Variants in CRYM observed in about 807,000 individuals in gnomAD.
CRYM encodes the protein ketimine reductase mu-crystallin.
Under a neutral mutation model 32.9 loss-of-function variants are expected in CRYM, and 18 were observed. That is an observed-to-expected ratio of 0.55 (90% CI 0.38 to 0.81). The LOEUF (loss-of-function observed/expected upper bound fraction) is 0.81, where lower values mean the gene tolerates loss of function less well. CRYM is among the 30% of genes least tolerant of loss of function. The probability of loss-of-function intolerance (pLI) is 0.00; values close to 1 mark genes in which losing one functional copy is unlikely to be tolerated. For synonymous variants in CRYM, 153 were observed against 152.4 expected (o/e 1.00, Z -0.03); for missense variants, 337 against 393.5 (o/e 0.86, Z 1.21).
intron 5 of CRYM, among the ~76,000 whole-genome samples, chr16:21,266,804 A>C (rs952176990): frequency 1.2e-4 from 18 of 152,086 alleles, no homozygotes; most frequent in Non-Finnish European, 4.4e-5. Flanking sequence ...CAGGAGTTCG[A>C]GACCAGCCTG....
intron 1 of CRYM, among the ~76,000 whole-genome samples, chr16:21,288,650 C>T (rs749161165): frequency 1.1e-4 from 17 of 152,126 alleles, no homozygotes; most frequent in East Asian, 9.6e-4. Flanking sequence ...TGCCTTCCAC[C>T]GGCTTTGGGT....
At chr16:21,291,626 G>A (rs976979340) in intron 1 of CRYM, among the ~76,000 whole-genome samples, 9 of 152,112 alleles carry the variant, frequency 5.9e-5, no homozygotes, top group Non-Finnish European at 1.0e-4. Context: ...AATCTCAATA[G>A]AGGGGAAAGC....
At chr16:21,262,948 A>G (rs1188377271) in intron 5 of CRYM, among the ~76,000 whole-genome samples, 1 of 152,232 alleles carries the variant, frequency 6.6e-6, no homozygotes, top group Non-Finnish European at 1.5e-5. Flanking sequence ...AAAAATCCCG[A>G]AACAGAGACA....
chr16:21,291,731 C>T (rs554986684), intron 1 of CRYM, among the ~76,000 whole-genome samples: 1 of 152,082 alleles, frequency 6.6e-6, no homozygotes, highest in African/African-American at 2.4e-5. Flanking sequence ...GTGAAGTGAC[C>T]GGTGAACTTT....
intron 1 of CRYM, among the ~76,000 whole-genome samples, chr16:21,284,812 G>A (rs1011649684): frequency 2.6e-5 from 4 of 152,244 alleles, no homozygotes; most frequent in South Asian, 2.1e-4. Context: ...TGGGAATGCC[G>A]GGTCAAATGG....
chr16:21,264,648 C>A (rs558178220), intron 5 of CRYM, among the ~76,000 whole-genome samples: 9 of 152,322 alleles, frequency 5.9e-5, no homozygotes, highest in African/African-American at 1.9e-4. Context: ...TCTGTGAACA[C>A]ATAAACCAAT....
At chr16:21,290,199 C>T (rs1960599268) in intron 1 of CRYM, among the ~76,000 whole-genome samples, 1 of 152,126 alleles carries the variant, frequency 6.6e-6, no homozygotes, top group South Asian at 2.1e-4. Flanking sequence ...TTGCTGTTCA[C>T]AATAAGTCTT....
At chr16:21,259,876 T>A (rs1380726287) in intron 7 of CRYM, among the ~76,000 whole-genome samples, 1 of 152,180 alleles carries the variant, frequency 6.6e-6, no homozygotes, top group East Asian at 1.9e-4. Flanking sequence ...TCCCCAAAAG[T>A]AAGAAAGCAA....
At chr16:21,273,055 C>A (rs1268262398) in intron 3 of CRYM, among the ~76,000 whole-genome samples, 1 of 151,880 alleles carries the variant, frequency 6.6e-6, no homozygotes, top group Admixed American at 6.6e-5. Context: ...TTTTGCTTAC[C>A]CCATGCTGAG....
At chr16:21,294,761 C>T (rs1355539984) in intron 1 of CRYM, among the ~76,000 whole-genome samples, 3 of 147,942 alleles carry the variant, frequency 2.0e-5, no homozygotes, top group East Asian at 4.0e-4. Context: ...GTGGCGCGAT[C>T]TCGACTCACT....
At chr16:21,286,805 T>C (rs1257639595) in intron 1 of CRYM, among the ~76,000 whole-genome samples, 1 of 152,094 alleles carries the variant, frequency 6.6e-6, no homozygotes, top group Non-Finnish European at 1.5e-5. Flanking sequence ...GATACTTAAT[T>C]TTAGGCCGGG....
intron 1 of CRYM, among the ~76,000 whole-genome samples, chr16:21,301,994 CGCAGAGCCCAAAAGG>C (rs1008611396): frequency 3.9e-5 from 6 of 152,202 alleles, no homozygotes; most frequent in Non-Finnish European, 7.4e-5. Flanking sequence ...GCGATGGGCG[CGCAGAGCCCAAAAGG>C]GCGACCCCCA....
At chr16:21,266,039 T>C (rs1178409866) in intron 5 of CRYM, among the ~76,000 whole-genome samples, 1 of 151,956 alleles carries the variant, frequency 6.6e-6, no homozygotes, top group East Asian at 1.9e-4. Context: ...GCCTGGACAA[T>C]GTGGTGAAAC....
chr16:21,284,475 C>T (rs1384712345), intron 1 of CRYM, among the ~76,000 whole-genome samples: 2 of 152,120 alleles, frequency 1.3e-5, no homozygotes, highest in Non-Finnish European at 2.9e-5. Context: ...AGTTACATCC[C>T]ATTCTCCTCT....
intron 1 of CRYM, among the ~76,000 whole-genome samples, chr16:21,290,055 G>A (rs2152864767): frequency 6.6e-6 from 1 of 151,920 alleles, no homozygotes; most frequent in East Asian, 2.0e-4. Context: ...TCTGTAAAAT[G>A]GACCAATCAG....
chr16:21,281,914 A>C (rs1364320014), upstream of CRYM, among the ~76,000 whole-genome samples: 1 of 152,166 alleles, frequency 6.6e-6, no homozygotes, highest in African/African-American at 2.4e-5. Context: ...CAACCTGTTG[A>C]GCATAAAGCT....
intron 2 of CRYM, among the ~76,000 whole-genome samples, chr16:21,276,576 A>C (rs2093387013): frequency 6.6e-6 from 1 of 152,202 alleles, no homozygotes; most frequent in Non-Finnish European, 1.5e-5. Context: ...GACTCTACTA[A>C]CCTGAGCCTC....
intron 6 of CRYM, chr16:21,261,777 T>C (rs959878095): frequency 2.2e-5 from 11 of 499,358 alleles, no homozygotes; most frequent in Admixed American, 3.3e-5. Context: ...ATCCCACTTC[T>C]TTAGAGGACA....
chr16:21,271,275 A>G (rs1468392573), intron 3 of CRYM, among the ~76,000 whole-genome samples: 1 of 152,160 alleles, frequency 6.6e-6, no homozygotes, highest in African/African-American at 2.4e-5. Context: ...TGGCAAACTC[A>G]TGCTCAGTGG....
Sources: allele counts gnomAD v4.1 joint callset (sites outside exome capture counted in the v4.1 genomes callset), GRCh38; gene constraint gnomAD v4.1.1; transcripts MANE v1.5; gene names NCBI Gene and HGNC (gene_info 2026-07-23, HGNC 2026-07-21).